The following GALNT13 variants were observed in gnomAD, a reference collection of about 807,000 sequenced individuals.
GALNT13 encodes polypeptide N-acetylgalactosaminyltransferase 13.
GALNT13 carries 28 observed loss-of-function variants against 64.2 expected under a neutral mutation model. That is an observed-to-expected ratio of 0.44 (90% CI 0.32 to 0.60). GALNT13 has a LOEUF of 0.60. Ranked by LOEUF, GALNT13 falls within the 20% of genes least tolerant of loss-of-function variation. GALNT13 has a pLI of 0.05. For synonymous variants in GALNT13, 214 were observed against 224.6 expected (o/e 0.95, Z 0.42); for missense variants, 577 against 669.8 (o/e 0.86, Z 1.53).
At chr2:153,227,409 G>C in the GALNT13 span, among the ~76,000 whole-genome samples, 1 of 152,100 alleles carries the variant, frequency 6.6e-6, no homozygotes, top group Non-Finnish European at 1.5e-5. Flanking sequence ...AAATCAGCTT[G>C]GAGTGGAGAT....
intron 3 of GALNT13, among the ~76,000 whole-genome samples, chr2:153,992,118 T>A (rs1408292894): frequency 6.6e-6 from 1 of 152,198 alleles, no homozygotes; most frequent in Non-Finnish European, 1.5e-5. Flanking sequence ...TATAATATAG[T>A]GACTTACCAT....
the GALNT13 span, among the ~76,000 whole-genome samples, chr2:153,265,473 G>A: frequency 6.6e-6 from 1 of 152,182 alleles, no homozygotes; most frequent in African/African-American, 2.4e-5. Context: ...CCAATGCAAA[G>A]TTCCACAACC....
At chr2:153,475,143 TAG>T in the GALNT13 span, among the ~76,000 whole-genome samples, 22 of 152,246 alleles carry the variant, frequency 1.4e-4, no homozygotes, top group South Asian at 3.5e-3. Flanking sequence ...CATCGGGGAA[TAG>T]AGAGTGTAAA....
At chr2:153,776,958 G>C in the GALNT13 span, among the ~76,000 whole-genome samples, 1 of 152,122 alleles carries the variant, frequency 6.6e-6, no homozygotes, top group Non-Finnish European at 1.5e-5. Flanking sequence ...GGTGAAAAGT[G>C]GTTCTACCAT....
chr2:153,374,189 G>T, the GALNT13 span, among the ~76,000 whole-genome samples: 1 of 152,120 alleles, frequency 6.6e-6, no homozygotes, highest in East Asian at 1.9e-4. Context: ...GCTTGCAGCT[G>T]TATCATTTTA....
chr2:154,400,945 T>C (rs1282131934), intron 10 of GALNT13, among the ~76,000 whole-genome samples: 1 of 142,982 alleles, frequency 7.0e-6, no homozygotes, highest in African/African-American at 2.6e-5. Context: ...AAAAAATACA[T>C]TGTGAACTAA....
chr2:154,282,487 G>A (rs774790880), intron 8 of GALNT13, among the ~76,000 whole-genome samples: 1 of 152,014 alleles, frequency 6.6e-6, no homozygotes. Context: ...TGTACCCTAG[G>A]TAAAAAGACT....
chr2:154,150,636 C>A (rs1054503760), intron 4 of GALNT13, among the ~76,000 whole-genome samples: 12 of 152,214 alleles, frequency 7.9e-5, no homozygotes, highest in Non-Finnish European at 1.5e-4. Context: ...AGAGATTCAA[C>A]TTCTTCCCGG....
chr2:153,279,311 A>G, the GALNT13 span, among the ~76,000 whole-genome samples: 2 of 152,146 alleles, frequency 1.3e-5, no homozygotes. Context: ...GAAGAGAGGT[A>G]GTTCCACTCT....
At chr2:153,249,260 T>G in the GALNT13 span, among the ~76,000 whole-genome samples, 6 of 152,106 alleles carry the variant, frequency 3.9e-5, no homozygotes, top group Admixed American at 2.0e-4. Flanking sequence ...AAATCATGAG[T>G]GAACTCCCAT....
At chr2:153,462,693 C>T in the GALNT13 span, among the ~76,000 whole-genome samples, 857 of 151,972 alleles carry the variant, frequency 5.6e-3, 4 homozygotes, top group South Asian at 0.022. Flanking sequence ...TTAGACTTGC[C>T]GAGCCATACT....
the GALNT13 span, among the ~76,000 whole-genome samples, chr2:153,787,503 A>T: frequency 6.6e-6 from 1 of 152,218 alleles, no homozygotes; most frequent in African/African-American, 2.4e-5. Flanking sequence ...GAAACAAACC[A>T]ATGCAAGAAC....
the GALNT13 span, among the ~76,000 whole-genome samples, chr2:153,707,062 C>G: frequency 6.6e-6 from 1 of 152,164 alleles, no homozygotes; most frequent in Non-Finnish European, 1.5e-5. Flanking sequence ...CACGATTTCT[C>G]TTTCTTTGCC....
chr2:153,090,395 T>C, the GALNT13 span, among the ~76,000 whole-genome samples: 14 of 152,296 alleles, frequency 9.2e-5, no homozygotes, highest in East Asian at 2.3e-3. Flanking sequence ...GTTTTAGATA[T>C]GTTTAGCTTG....
the GALNT13 span, among the ~76,000 whole-genome samples, chr2:153,319,066 A>G: frequency 6.6e-6 from 1 of 152,172 alleles, no homozygotes; most frequent in Admixed American, 6.5e-5. Context: ...TAAAAGGTAA[A>G]TATCACAGGC....
intron 11 of GALNT13, among the ~76,000 whole-genome samples, chr2:154,425,947 G>C (rs1036212145): frequency 6.6e-6 from 1 of 152,140 alleles, no homozygotes; most frequent in East Asian, 1.9e-4. Flanking sequence ...TGATGGTCCC[G>C]TATTAGTTTT....
chr2:153,458,132 C>G, the GALNT13 span, among the ~76,000 whole-genome samples: 1 of 152,206 alleles, frequency 6.6e-6, no homozygotes, highest in East Asian at 1.9e-4. Flanking sequence ...ACTTTATTCT[C>G]CATGGAGGGA....
chr2:154,030,531 A>G (rs1019770348), intron 3 of GALNT13, among the ~76,000 whole-genome samples: 1 of 152,138 alleles, frequency 6.6e-6, no homozygotes, highest in Non-Finnish European at 1.5e-5. Flanking sequence ...GAGGTTCTTT[A>G]GGGATATGGA....
At chr2:153,433,987 A>C in the GALNT13 span, among the ~76,000 whole-genome samples, 1 of 151,260 alleles carries the variant, frequency 6.6e-6, no homozygotes, top group Admixed American at 6.6e-5. Context: ...TGCTCCCCCC[A>C]CCCCACAACA....
Sources: gnomAD v4.1 joint callset for allele counts (sites outside exome capture counted in the v4.1 genomes callset) on GRCh38, gnomAD v4.1.1 for gene constraint, MANE v1.5 for transcripts, NCBI Gene and HGNC (gene_info 2026-07-23, HGNC 2026-07-21) for gene names.